ZNF33B: variants seen among roughly 807,000 people sequenced by gnomAD.
ZNF33B encodes zinc finger protein 33B, also known as zinc finger protein 11b (KOX 2).
In ZNF33B, 29 loss-of-function variants were observed where a neutral mutation model predicts 45.8. The ratio of observed to expected loss-of-function variants is 0.63; its 90% CI spans 0.47 to 0.86. The LOEUF is 0.86. Ranked by LOEUF, ZNF33B falls within the 40% of genes least tolerant of loss-of-function variation. The probability of loss-of-function intolerance (pLI) is 0.00; values close to 1 mark genes in which losing one functional copy is unlikely to be tolerated. For synonymous variants in ZNF33B, 305 were observed against 307.8 expected (o/e 0.99, Z 0.10); for missense variants, 831 against 909.9 (o/e 0.91, Z 1.12).
intron 4 of ZNF33B, among the ~76,000 whole-genome samples, chr10:42,598,341 G>A (rs1465726993): frequency 6.6e-6 from 1 of 152,214 alleles, no homozygotes; most frequent in African/African-American, 2.4e-5. Flanking sequence ...CCAGCCTCAC[G>A]CTGTGGGTCC....
At chr10:42,599,874 AATTC>A (rs1837549888) in intron 4 of ZNF33B, among the ~76,000 whole-genome samples, 1 of 152,048 alleles carries the variant, frequency 6.6e-6, no homozygotes, top group Non-Finnish European at 1.5e-5. Flanking sequence ...ATTTCCCATA[AATTC>A]CATTTTCATT....
chr10:42,609,240 AC>A (rs1838000188), intron 4 of ZNF33B, among the ~76,000 whole-genome samples: 1 of 151,964 alleles, frequency 6.6e-6, no homozygotes, highest in Non-Finnish European at 1.5e-5. Context: ...ACATGGTGAA[AC>A]CCCCTCTCTA....
chr10:42,621,576 C>A (rs1376995173), intron 4 of ZNF33B, among the ~76,000 whole-genome samples: 1 of 151,624 alleles, frequency 6.6e-6, no homozygotes, highest in African/African-American at 2.4e-5. Flanking sequence ...GAATGTAATA[C>A]ACTTCATTAA....
At chr10:42,623,474 C>A (rs968716167) in intron 4 of ZNF33B, among the ~76,000 whole-genome samples, 1 of 152,130 alleles carries the variant, frequency 6.6e-6, no homozygotes, top group African/African-American at 2.4e-5. Context: ...AAGTGTACAT[C>A]AACAGATGAA....
chr10:42,632,640 ATCAC>A (rs1839113027), intron 2 of ZNF33B, among the ~76,000 whole-genome samples: 1 of 152,238 alleles, frequency 6.6e-6, no homozygotes, highest in South Asian at 2.1e-4. Context: ...TGGAACTATC[ATCAC>A]TCCTGGCAAC....
chr10:42,633,406 T>C (rs1251273005), intron 2 of ZNF33B, among the ~76,000 whole-genome samples: 1 of 152,166 alleles, frequency 6.6e-6, no homozygotes, highest in Non-Finnish European at 1.5e-5. Flanking sequence ...CCAGGTTTTG[T>C]TTACAGAACC....
intron 2 of ZNF33B, 120 bp downstream of exon 2, chr10:42,636,800 C>A: frequency 1.4e-6 from 2 of 1,432,932 alleles, no homozygotes; most frequent in Non-Finnish European, 1.9e-6. Context: ...TGCGCTCCAG[C>A]CTGGGCGACA....
chr10:42,613,475 G>C lies in ZNF33B; in HGVS notation c.250+18454C>G, dbSNP rs188869647. Among the ~76,000 whole-genome samples the C allele has an allele frequency of 7.8e-3, 1,191 of 151,928 alleles. 18 individuals are homozygous for C. Among genetic ancestry groups the C allele is most frequent in the African/African-American group, 0.027 (1,130 of 41,436 alleles). On this transcript the variant is annotated intron_variant, in intron 4 of 4. Transcript: ENST00000359467. ...AAGCAGGAGAAATACCTGAACCCAG[G>C]AGGCAGAAGTTGCCATGAGCCAAGA...
chr10:42,588,052 C>T (rs886488940), downstream of ZNF33B, among the ~76,000 whole-genome samples: 6 of 151,440 alleles, frequency 4.0e-5, no homozygotes, highest in South Asian at 2.1e-4. Context: ...CAATAACAAA[C>T]AATAGTCTAT....
chr10:42,605,768 T>C (rs1461642056), intron 4 of ZNF33B, among the ~76,000 whole-genome samples: 1 of 152,166 alleles, frequency 6.6e-6, no homozygotes, highest in East Asian at 1.9e-4. Context: ...AATTGTATTG[T>C]TGGACCTATA....
chr10:42,615,447 C>A (rs1315547290), intron 4 of ZNF33B, among the ~76,000 whole-genome samples: 1 of 152,208 alleles, frequency 6.6e-6, no homozygotes, highest in South Asian at 2.1e-4. Context: ...ATATGTTATG[C>A]TAAGAAAAAG....
rs188886462 is a variant in ZNF33B, at chr10:42,597,149, A to G, written c.251-2450T>C. Among the ~76,000 whole-genome samples, 194 of 152,178 alleles carry G rather than the reference A, an allele frequency of 1.3e-3. 1 individual carries two copies. Among genetic ancestry groups the G allele is most frequent in the Non-Finnish European group, 1.7e-3 (114 of 67,938 alleles). ...TAAATTTTGTCAAATGCTTTCTCGC[A>G]TATGTTGAAATGGTCATACGGGTTT... On this transcript the variant is annotated intron_variant, in intron 4 of 4. Coordinates refer to ENST00000359467, the MANE Select transcript of ZNF33B (RefSeq NM_006955.3).
At chr10:42,623,364 G>C (rs1838674321) in intron 4 of ZNF33B, among the ~76,000 whole-genome samples, 1 of 152,132 alleles carries the variant, frequency 6.6e-6, no homozygotes, top group Non-Finnish European at 1.5e-5. Flanking sequence ...CTACTCCTAG[G>C]TTTATATCCA....
rs1443117482 is a variant in ZNF33B, at chr10:42,591,744, G to C, written c.*869C>G. The C allele has an allele frequency of 3.3e-5, 7 of 208,990 alleles. No homozygotes were observed. In the East Asian group the frequency reaches 9.3e-4, roughly 28 times the overall value. 12.9% of individuals were successfully genotyped at this position (208,990 alleles called of 1,614,324 possible). Reference sequence around the variant, plus strand: ...TCTATGCTTTACAAAAAGCTTCATAGTCAAGTGGATGCCAGGGACAGGGAT... The same window carrying C: ...TCTATGCTTTACAAAAAGCTTCATACTCAAGTGGATGCCAGGGACAGGGAT... On this transcript the variant is annotated 3_prime_UTR_variant, in exon 5 of 5. Transcript: ENST00000359467.
intron 4 of ZNF33B, among the ~76,000 whole-genome samples, chr10:42,624,756 T>G (rs1838728512): frequency 6.6e-6 from 1 of 152,204 alleles, no homozygotes; most frequent in Admixed American, 6.5e-5. Context: ...CTGGGTATGC[T>G]GGACACAGGG....
intron 4 of ZNF33B, among the ~76,000 whole-genome samples, chr10:42,610,264 A>C (rs1375758373): frequency 6.6e-6 from 1 of 152,178 alleles, no homozygotes; most frequent in Non-Finnish European, 1.5e-5. Flanking sequence ...GGCCAGGCAT[A>C]ATGGCTCAAG....
At chr10:42,582,788 G>T in intron 1 of ZNF33B, 1 of 219,006 alleles carries the variant, frequency 4.6e-6, no homozygotes, top group Non-Finnish European at 9.1e-6. Flanking sequence ...ACGCTCCTCG[G>T]GAGGACAGCA....
intron 1 of ZNF33B, among the ~76,000 whole-genome samples, chr10:42,581,242 T>G (rs953540164): frequency 9.9e-5 from 15 of 151,384 alleles, no homozygotes; most frequent in Non-Finnish European, 1.6e-4. Flanking sequence ...TCCCAGCGCT[T>G]TTGGAGGTTG....
chr10:42,630,811 A>G (rs939782078), intron 4 of ZNF33B, among the ~76,000 whole-genome samples: 2 of 152,028 alleles, frequency 1.3e-5, no homozygotes, highest in African/African-American at 4.8e-5. Context: ...TCTACCACTA[A>G]ACAGATTTTA....
Sources: gnomAD v4.1 joint callset for allele counts (sites outside exome capture counted in the v4.1 genomes callset) on GRCh38, gnomAD v4.1.1 for gene constraint, MANE v1.5 for transcripts, NCBI Gene and HGNC (gene_info 2026-07-23, HGNC 2026-07-21) for gene names.